Variants in C14orf132 observed in about 807,000 individuals in gnomAD.
C14orf132 encodes uncharacterized protein C14orf132.
A neutral mutation model predicts 5.8 loss-of-function variants in C14orf132; 6 were observed. The ratio of observed to expected loss-of-function variants is 1.03; its 90% CI spans 0.57 to 2.04. The LOEUF (loss-of-function observed/expected upper bound fraction) is 2.04, where lower values mean the gene tolerates loss of function less well. C14orf132 is among the 30% of genes most tolerant of loss of function. The pLI, the probability that C14orf132 is intolerant of heterozygous loss-of-function variation, is 0.00. For synonymous variants in C14orf132, 51 were observed against 49.8 expected (o/e 1.02, Z -0.10); for missense variants, 125 against 115.8 (o/e 1.08, Z -0.37).
At chr14:96,066,009 T>C (rs1887517506) in intron 1 of C14orf132, among the ~76,000 whole-genome samples, 1 of 152,168 alleles carries the variant, frequency 6.6e-6, no homozygotes, top group South Asian at 2.1e-4. Flanking sequence ...GAACTTCCCA[T>C]AGCTGAGCCA....
chr14:96,080,225 T>C (rs1262480590), intron 1 of C14orf132, among the ~76,000 whole-genome samples: 3 of 152,278 alleles, frequency 2.0e-5, no homozygotes, highest in South Asian at 4.2e-4. Flanking sequence ...TGTGTAAGGA[T>C]CCAAGACAGG....
rs1886641772 is a variant in C14orf132 at position 96,039,940 on chromosome 14, T to C, written c.27+413T>C. On this transcript the variant is annotated intron_variant, in intron 1 of 1. Coordinates refer to ENST00000555004, the MANE Select transcript of C14orf132 (RefSeq NM_001252507.3). The surrounding 1 kb of genome is among the most constrained non-coding windows in gnomAD (Gnocchi z 5.3). ...ACAGTCTCGCCCTTCCCCACTCTGT[T>C]TTCCCGAGGCGCCAGTAATCTGTCT... is the stretch of plus-strand genomic sequence containing the variant. Among the ~76,000 whole-genome samples the C allele has an allele frequency of 6.6e-6, 1 of 152,156 alleles. No homozygotes were observed. Among genetic ancestry groups the C allele is most frequent in the South Asian group, 2.1e-4 (1 of 4,830 alleles).
Position 96,090,802 on chromosome 14 carries a change from G to C in C14orf132, c.*4067G>C, listed in dbSNP as rs568023803. ...TGGAGGCTGGCCAGACCACTCTGGC[G>C]TCTCCTGAAGTGGGTCCCTGGAGAC... On this transcript the variant is annotated 3_prime_UTR_variant, in exon 2 of 2. Transcript: ENST00000555004. 1 of 456,082 alleles carries C rather than the reference G, an allele frequency of 2.2e-6. No homozygotes were observed. The highest frequency in any genetic ancestry group is 1.5e-5 in the South Asian group (1 of 64,560). 28.3% of individuals were successfully genotyped at this position (456,082 alleles called of 1,614,324 possible).
At position 96,039,497 on chromosome 14, in the gene C14orf132, C is replaced by A; in HGVS notation, c.-4C>A. 1 of 1,497,938 alleles carries A rather than the reference C, an allele frequency of 6.7e-7. No homozygotes were observed. The highest frequency in any genetic ancestry group is 8.9e-7 in the Non-Finnish European group (1 of 1,126,844). The allele number at this position is 1,497,938 out of a possible 1,614,324, so 92.8% of individuals were successfully genotyped here. Reference sequence around the variant, plus strand: ...AGGACTCGAGCGCTGGCTGCAGCGACACCATGGATCTCTCCTTTATGGCCG... The same window carrying A: ...AGGACTCGAGCGCTGGCTGCAGCGAAACCATGGATCTCTCCTTTATGGCCG... On this transcript the variant is annotated 5_prime_UTR_variant, in exon 1 of 2. Coordinates refer to ENST00000555004, the MANE Select transcript of C14orf132 (RefSeq NM_001252507.3). This position sits in a 1 kb window ranked among gnomAD's most constrained non-coding sequence, Gnocchi z 5.3.
chr14:96,074,782 A>G (rs1887812977), intron 1 of C14orf132, among the ~76,000 whole-genome samples: 1 of 111,460 alleles, frequency 9.0e-6, no homozygotes, highest in East Asian at 6.1e-4. Context: ...GTATGCATCC[A>G]TCCTTTTGCT....
chr14:96,082,416 A>T (rs1416389148), intron 1 of C14orf132, among the ~76,000 whole-genome samples: 2 of 152,174 alleles, frequency 1.3e-5, no homozygotes, highest in Non-Finnish European at 2.9e-5. Context: ...ATTGAGACTG[A>T]CTTTTTGTTT....
At chr14:96,076,786 T>C (rs1024061739) in intron 1 of C14orf132, among the ~76,000 whole-genome samples, 3 of 152,264 alleles carry the variant, frequency 2.0e-5, no homozygotes, top group Non-Finnish European at 4.4e-5. Flanking sequence ...CAATTAGTAC[T>C]ATAAATTTTT....
chr14:96,055,105 A>G (rs191022596), intron 1 of C14orf132, among the ~76,000 whole-genome samples: 62 of 152,194 alleles, frequency 4.1e-4, no homozygotes, highest in African/African-American at 1.5e-3. Flanking sequence ...AAGACATGAG[A>G]CTCCCGGAGT....
chr14:96,062,597 A>G (rs2369418), intron 1 of C14orf132, among the ~76,000 whole-genome samples: 85,643 of 151,874 alleles, frequency 0.56, 24,608 homozygotes, highest in East Asian at 0.72. Flanking sequence ...CCTCTTAGGA[A>G]AAAGTCCTCC....
At chr14:96,079,438 T>C (rs1253062185) in intron 1 of C14orf132, among the ~76,000 whole-genome samples, 1 of 152,044 alleles carries the variant, frequency 6.6e-6, no homozygotes, top group African/African-American at 2.4e-5. Context: ...ATCACCTTTT[T>C]CCTCTCTCTG....
chr14:96,069,183 A>ATATATATATATATATATATG lies in C14orf132; in HGVS notation c.28-17317_28-17316insATATATATGTATATATATAT, dbSNP rs372630503. 1.4e-3 allele frequency among the ~76,000 whole-genome samples: 192 copies of ATATATATATATATATATATG among 134,286 alleles called. 2 individuals are homozygous for ATATATATATATATATATATG. Among genetic ancestry groups the ATATATATATATATATATATG allele is most frequent in the East Asian group, 2.3e-3 (11 of 4,750 alleles). The allele number at this position is 134,286 out of a possible 152,430, so 88.1% of individuals were successfully genotyped here. A position where few individuals can be genotyped will look rare whatever the true frequency, so the allele number is the denominator to read the frequency against. The stretch of plus-strand genomic sequence containing the variant: ...TAAATCTCTTCATATATATATGTAT[A>ATATATATATATATATATATG]TATATATATATGTATATATGTTATT... On this transcript the variant is annotated intron_variant, in intron 1 of 1. Coordinates refer to ENST00000555004, the MANE Select transcript of C14orf132 (RefSeq NM_001252507.3).
At chr14:96,053,957 G>C (rs963160649) in intron 1 of C14orf132, among the ~76,000 whole-genome samples, 1 of 152,182 alleles carries the variant, frequency 6.6e-6, no homozygotes, top group Non-Finnish European at 1.5e-5. Context: ...GAGACCCTCA[G>C]GGCTAATGCA....
intron 1 of C14orf132, among the ~76,000 whole-genome samples, chr14:96,063,972 A>C (rs1887441778): frequency 6.6e-6 from 1 of 152,190 alleles, no homozygotes; most frequent in African/African-American, 2.4e-5. Context: ...ATATGAAAAA[A>C]TGCTCAACAT....
Position 96,088,270 on chromosome 14 carries a change from G to T in C14orf132, c.*1535G>T, listed in dbSNP as rs115062146. ...GAAGCGGCACTCTTCCCTGGAAGCC[G>T]CCATGTTAATAGGATTACTAGCCTG... On this transcript the variant is annotated 3_prime_UTR_variant, in exon 2 of 2. Transcript: ENST00000555004. 2 of 152,156 alleles carry T rather than the reference G, an allele frequency of 1.3e-5. No individual in the cohort carries two copies. The highest frequency in any genetic ancestry group is 4.2e-4 in the South Asian group (2 of 4,818). 9.4% of individuals were successfully genotyped at this position (152,156 alleles called of 1,614,324 possible).
At chr14:96,078,564 G>C (rs1429560100) in intron 1 of C14orf132, among the ~76,000 whole-genome samples, 1 of 152,114 alleles carries the variant, frequency 6.6e-6, no homozygotes, top group African/African-American at 2.4e-5. Flanking sequence ...TATCTGTGCC[G>C]GCACCGCAAG....
chr14:96,087,616 G>A lies in C14orf132; in HGVS notation c.*881G>A, dbSNP rs2139687081. The A allele has an allele frequency of 6.6e-6, 1 of 152,286 alleles. No individual in the cohort carries two copies. The highest frequency in any genetic ancestry group is 1.9e-4 in the East Asian group (1 of 5,186). The allele number at this position is 152,286 out of a possible 1,614,324, so 9.4% of individuals were successfully genotyped here. ...GTTTGTGGAGGAGTCGGAACAGAAA[G>A]ATGTGTCCTCACTCTCAGCTCACTG... On this transcript the variant is annotated 3_prime_UTR_variant, in exon 2 of 2. Coordinates refer to ENST00000555004, the MANE Select transcript of C14orf132 (RefSeq NM_001252507.3).
At chr14:96,045,053 C>A (rs79831247) in intron 1 of C14orf132, among the ~76,000 whole-genome samples, 3 of 152,128 alleles carry the variant, frequency 2.0e-5, no homozygotes, top group Non-Finnish European at 2.9e-5. Flanking sequence ...GTGAACAGAT[C>A]GCTTATTTAA....
intron 1 of C14orf132, among the ~76,000 whole-genome samples, chr14:96,058,456 A>C (rs8019747): frequency 0.56 from 85,607 of 151,798 alleles, 24,798 homozygotes; most frequent in East Asian, 0.74. Flanking sequence ...CCTCCCGGGG[A>C]AGGTTTTAAT....
chr14:96,076,295 T>C (rs1887863226), intron 1 of C14orf132, among the ~76,000 whole-genome samples: 1 of 152,228 alleles, frequency 6.6e-6, no homozygotes, highest in Non-Finnish European at 1.5e-5. Flanking sequence ...CTGATATTGG[T>C]AATTTGTGTT....
Sources: allele counts gnomAD v4.1 joint callset (sites outside exome capture counted in the v4.1 genomes callset), GRCh38; gene constraint gnomAD v4.1.1; non-coding constraint Gnocchi (gnomAD v3.1); transcripts MANE v1.5; gene names NCBI Gene and HGNC (gene_info 2026-07-23, HGNC 2026-07-21).